CPQ: variants seen among roughly 807,000 people sequenced by gnomAD.
The protein encoded by CPQ is Ser-Met dipeptidase.
Under a neutral mutation model 45.7 loss-of-function variants are expected in CPQ, and 37 were observed. The observed-to-expected ratio is 0.81, with a 90% CI of 0.62 to 1.07. CPQ has a LOEUF of 1.07. Ranked by LOEUF, CPQ falls within the 50% of genes least tolerant of loss-of-function variation. The pLI, the probability that CPQ is intolerant of heterozygous loss-of-function variation, is 0.00. For missense variants in CPQ, 537 were observed against 572.9 expected (o/e 0.94, Z 0.64); for synonymous variants, 186 against 205.8 (o/e 0.90, Z 0.82).
intron 2 of CPQ, among the ~76,000 whole-genome samples, chr8:96,787,620 G>A (rs186856314): frequency 4.4e-5 from 6 of 134,954 alleles, no homozygotes; most frequent in Admixed American, 8.7e-5. Flanking sequence ...CCATTCTTTG[G>A]AAGAGATTAC....
intron 2 of CPQ, among the ~76,000 whole-genome samples, chr8:96,786,480 A>G (rs998632749): frequency 6.6e-6 from 1 of 152,142 alleles, no homozygotes; most frequent in Non-Finnish European, 1.5e-5. Context: ...TAGTGCTGCT[A>G]TGAACATTCA....
intron 4 of CPQ, among the ~76,000 whole-genome samples, chr8:96,915,416 G>A (rs980294957): frequency 1.3e-5 from 2 of 152,032 alleles, no homozygotes; most frequent in African/African-American, 4.8e-5. Flanking sequence ...TCATGGATTT[G>A]TACATATTCT....
chr8:97,008,785 C>CAA (rs1809431857), intron 5 of CPQ, among the ~76,000 whole-genome samples: 4 of 152,182 alleles, frequency 2.6e-5, no homozygotes, highest in Admixed American at 2.6e-4. Context: ...CTGTGAGGTT[C>CAA]AAAAAGTAAA....
intron 1 of CPQ, among the ~76,000 whole-genome samples, chr8:96,663,558 G>T (rs1241528395): frequency 1.3e-5 from 2 of 152,340 alleles, no homozygotes; most frequent in East Asian, 1.9e-4. Flanking sequence ...TCCAGGCTGT[G>T]AGCACTTTTC....
intron 5 of CPQ, among the ~76,000 whole-genome samples, chr8:97,013,696 T>C (rs1809530397): frequency 6.6e-6 from 1 of 152,096 alleles, no homozygotes; most frequent in South Asian, 2.1e-4. Flanking sequence ...CCAATTTACA[T>C]GGAAATGAGG....
intron 7 of CPQ, among the ~76,000 whole-genome samples, chr8:97,131,724 T>C (rs1811961436): frequency 6.6e-6 from 1 of 152,194 alleles, no homozygotes; most frequent in African/African-American, 2.4e-5. Flanking sequence ...TTAATCACTA[T>C]GAATTTCTAC....
intron 6 of CPQ, among the ~76,000 whole-genome samples, chr8:97,056,118 A>T (rs1319531587): frequency 6.6e-6 from 1 of 152,066 alleles, no homozygotes; most frequent in Non-Finnish European, 1.5e-5. Flanking sequence ...ACACACACAC[A>T]CACACACACA....
rs533832531 is a variant in CPQ at position 96,886,047 on chromosome 8, T to G, written c.849+6042T>G. Reference sequence around the variant, plus strand: ...CTTTGTGAAAATAGCAGAATAGGGGTAATATATACCTAAAATCTACCCTCT... The same window carrying G: ...CTTTGTGAAAATAGCAGAATAGGGGGAATATATACCTAAAATCTACCCTCT... On this transcript the variant is annotated intron_variant, in intron 4 of 7. Transcript: ENST00000220763. Among the ~76,000 whole-genome samples, 272 of 151,922 alleles carry G rather than the reference T, an allele frequency of 1.8e-3. 2 individuals carry two copies. The highest frequency in any genetic ancestry group is 6.1e-3 in the African/African-American group (254 of 41,414).
intron 7 of CPQ, among the ~76,000 whole-genome samples, chr8:97,126,245 C>A (rs1386479357): frequency 6.6e-6 from 1 of 152,044 alleles, no homozygotes; most frequent in Non-Finnish European, 1.5e-5. Context: ...ACCCACTAAC[C>A]CTATAATTTA....
At chr8:96,704,310 T>C (rs1032121980) in intron 1 of CPQ, among the ~76,000 whole-genome samples, 1 of 152,206 alleles carries the variant, frequency 6.6e-6, no homozygotes, top group African/African-American at 2.4e-5. Context: ...GAGCAGAAAC[T>C]TCGTCTTTCC....
chr8:96,912,734 C>T (rs922544196), intron 4 of CPQ, among the ~76,000 whole-genome samples: 1 of 152,128 alleles, frequency 6.6e-6, no homozygotes, highest in Admixed American at 6.5e-5. Flanking sequence ...AGAGAAACAA[C>T]CTGGTTATAT....
intron 2 of CPQ, among the ~76,000 whole-genome samples, chr8:96,815,799 TG>T (rs746707938): frequency 6.6e-6 from 1 of 152,156 alleles, no homozygotes; most frequent in African/African-American, 2.4e-5. Flanking sequence ...TAAAATTTTT[TG>T]GTTTCCCAGT....
chr8:96,765,503 G>GAA lies in CPQ; in HGVS notation c.-34-19351_-34-19350dup, dbSNP rs1237787455. 4.6e-3 allele frequency among the ~76,000 whole-genome samples: 663 copies of GAA among 144,730 alleles called. 7 individuals are homozygous for GAA. The highest frequency in any genetic ancestry group is 0.016 in the African/African-American group (617 of 39,646). 94.9% of individuals were successfully genotyped at this position (144,730 alleles called of 152,430 possible). ...TTCTTATTTAACAGAGAAGAGCCTGGAAAAAAAAAAACCTATAGTCAGACA... is the reference window on the plus strand; with the variant it reads ...TTCTTATTTAACAGAGAAGAGCCTGGAAAAAAAAAAAAACCTATAGTCAGACA... On this transcript the variant is annotated intron_variant, in intron 1 of 7. Coordinates refer to ENST00000220763, the MANE Select transcript of CPQ (RefSeq NM_016134.4).
At chr8:96,891,885 G>A (rs1452220120) in intron 4 of CPQ, among the ~76,000 whole-genome samples, 1 of 152,112 alleles carries the variant, frequency 6.6e-6, no homozygotes, top group Non-Finnish European at 1.5e-5. Context: ...GGAAGCCAAG[G>A]ATGGCTTTCT....
intron 4 of CPQ, among the ~76,000 whole-genome samples, chr8:96,889,708 C>T (rs1418474498): frequency 1.3e-5 from 2 of 152,114 alleles, no homozygotes; most frequent in Admixed American, 6.5e-5. Flanking sequence ...CCTTGGCAAA[C>T]CACTACTCTG....
rs767352502 is a variant in CPQ, at chr8:97,143,166, A to C, written c.1402A>C (p.Met468Leu). ...VSYVVADMEE[M>L]LPRS is the part of the protein sequence containing the mutation. Reference sequence around the variant, plus strand: ...TTATGTTGTTGCAGACATGGAAGAAATGCTGCCTAGGTCCTAGAAACAGTA... The same window carrying C: ...TTATGTTGTTGCAGACATGGAAGAACTGCTGCCTAGGTCCTAGAAACAGTA... Residue 468 changes from methionine (M) to leucine (L), a missense_variant, in exon 8 of 8, where the codon ATG becomes CTG. Transcript: ENST00000220763. 2.0e-5 allele frequency: 32 copies of C among 1,613,918 alleles called. No individual in the cohort carries two copies. The highest frequency in any genetic ancestry group is 3.3e-4 in the Middle Eastern group (2 of 6,082).
chr8:96,980,185 TGC>T (rs1563545231), intron 5 of CPQ, among the ~76,000 whole-genome samples: 3 of 152,144 alleles, frequency 2.0e-5, no homozygotes, highest in Non-Finnish European at 4.4e-5. Context: ...CAGGCTGGAG[TGC>T]AGTGGCACAA....
Position 97,024,632 on chromosome 8 carries a change from G to A in CPQ, c.962-4771G>A, listed in dbSNP as rs114543186. Among the ~76,000 whole-genome samples, 1,231 of 152,122 alleles carry A rather than the reference G, an allele frequency of 8.1e-3. 19 individuals carry two copies. Among genetic ancestry groups the A allele is most frequent in the African/African-American group, 0.028 (1,156 of 41,494 alleles). On this transcript the variant is annotated intron_variant, in intron 5 of 7. Coordinates refer to ENST00000220763, the MANE Select transcript of CPQ (RefSeq NM_016134.4). ...GTGATAATGTGCTCATAAATTATAC[G>A]ACAGATTATGTAATTTGCCCAAAGC...
intron 7 of CPQ, among the ~76,000 whole-genome samples, chr8:97,094,570 A>T (rs1307915139): frequency 2.6e-5 from 4 of 151,840 alleles, no homozygotes; most frequent in African/African-American, 9.7e-5. Flanking sequence ...ATCCATTTTC[A>T]TTCTTTATTT....
Sources: gnomAD v4.1 joint callset for allele counts (sites outside exome capture counted in the v4.1 genomes callset) on GRCh38, gnomAD v4.1.1 for gene constraint, MANE v1.5 for transcripts, NCBI Gene and HGNC (gene_info 2026-07-23, HGNC 2026-07-21) for gene names.